MALT1: variants seen among roughly 807,000 people sequenced by gnomAD.
MALT1 encodes the protein mucosa-associated lymphoid tissue lymphoma translocation protein 1.
A neutral mutation model predicts 85.5 loss-of-function variants in MALT1; 36 were observed. The ratio of observed to expected loss-of-function variants is 0.42; its 90% CI spans 0.32 to 0.56. The LOEUF is 0.56. Ranked by LOEUF, MALT1 falls within the 20% of genes least tolerant of loss-of-function variation. The pLI, the probability that MALT1 is intolerant of heterozygous loss-of-function variation, is 0.10. For missense variants in MALT1, 716 were observed against 981.6 expected, an observed-to-expected ratio of 0.73 and a Z score of 3.62; for synonymous variants, 359 against 361.3, an observed-to-expected ratio of 0.99 and a Z score of 0.07.
rs931956386 is a variant in MALT1 at position 58,751,740 on chromosome 18, C to T, written c.*3898C>T. ...GAAATTAGGATAGTGGAGGTTTGAG[C>T]AAGTAAAGGCTCACCCAAATTCAAA... On this transcript the variant is annotated 3_prime_UTR_variant, in exon 17 of 17. Transcript: ENST00000649217. 3.3e-5 allele frequency: 5 copies of T among 152,094 alleles called. No individual in the cohort carries two copies. The highest frequency in any genetic ancestry group is 1.2e-4 in the African/African-American group (5 of 41,406). The allele number at this position is 152,094 out of a possible 1,614,324, so 9.4% of individuals were successfully genotyped here. A position where few individuals can be genotyped will look rare whatever the true frequency, so the allele number is the denominator to read the frequency against.
chr18:58,724,122 T>TC (rs1339451534), intron 10 of MALT1, among the ~76,000 whole-genome samples: 4 of 152,234 alleles, frequency 2.6e-5, no homozygotes, highest in African/African-American at 9.6e-5. Context: ...TTATTTTATT[T>TC]TAATAATTTC....
intron 1 of MALT1, among the ~76,000 whole-genome samples, chr18:58,673,178 GTCAT>G (rs10579527): frequency 0.13 from 19,271 of 152,102 alleles, 1,940 homozygotes; most frequent in African/African-American, 0.29. Flanking sequence ...TGAGAGGAAA[GTCAT>G]TCATTCAAAA....
At chr18:58,693,090 A>G (rs1443746351) in intron 2 of MALT1, among the ~76,000 whole-genome samples, 1 of 152,228 alleles carries the variant, frequency 6.6e-6, no homozygotes, top group African/African-American at 2.4e-5. Context: ...GTACTAGTGG[A>G]GAAGCTGCAG....
chr18:58,694,847 C>T (rs7244279), intron 2 of MALT1, among the ~76,000 whole-genome samples: 19,079 of 152,204 alleles, frequency 0.13, 1,891 homozygotes, highest in African/African-American at 0.28. Flanking sequence ...AGATGGCTCT[C>T]TCACAGGTGT....
intron 4 of MALT1, among the ~76,000 whole-genome samples, chr18:58,707,967 T>C (rs2054777748): frequency 6.6e-6 from 1 of 152,158 alleles, no homozygotes; most frequent in Admixed American, 6.5e-5. Flanking sequence ...CCACTTTACA[T>C]CCAGAGTCTC....
At position 58,697,558 on chromosome 18, in the gene MALT1, AT is replaced by A. The variant is rs572905374; in HGVS notation, c.498+1078del. Among the ~76,000 whole-genome samples, 927 of 152,298 alleles carry A rather than the reference AT, an allele frequency of 6.1e-3. 10 individuals are homozygous for A. Among genetic ancestry groups the A allele is most frequent in the African/African-American group, 0.021 (877 of 41,562 alleles). The stretch of plus-strand genomic sequence containing the variant: ...CTCTTGAAAGATTGCACCTAAAGGT[AT>A]TTTTTTATCATATTTTCTCAATTGC... On this transcript the variant is annotated intron_variant, in intron 3 of 16. Transcript: ENST00000649217.
intron 9 of MALT1, among the ~76,000 whole-genome samples, chr18:58,720,356 T>G (rs1294022306): frequency 6.6e-6 from 1 of 152,210 alleles, no homozygotes; most frequent in African/African-American, 2.4e-5. Flanking sequence ...TTTCTACTAC[T>G]TCTCGATCTT....
chr18:58,684,866 C>G (rs1260322290), intron 2 of MALT1, among the ~76,000 whole-genome samples: 2 of 152,160 alleles, frequency 1.3e-5, no homozygotes, highest in Non-Finnish European at 2.9e-5. Flanking sequence ...AAGATAAGCT[C>G]TGATAGAATC....
chr18:58,680,390 A>G (rs896164289), intron 1 of MALT1, among the ~76,000 whole-genome samples: 2 of 152,192 alleles, frequency 1.3e-5, no homozygotes, highest in Non-Finnish European at 2.9e-5. Flanking sequence ...TTAATGAATT[A>G]ACAGTATTTC....
rs773882255 is a variant in MALT1 at position 58,681,217 on chromosome 18, G to A, written c.257G>A (p.Gly86Glu). The A allele has an allele frequency of 6.2e-7, 1 of 1,614,058 alleles. No homozygotes were observed. The highest frequency in any genetic ancestry group is 1.3e-5 in the African/African-American group (1 of 74,938). ...QCSLKVLEPE[G>E]SPSLCLLKLM... ...TCTCTTAAGGTACTGGAGCCTGAAG[G>A]AAGCCCCAGCCTGTGTCTGCTGAAG... Residue 86 changes from glycine (G) to glutamate (E), a missense_variant, in exon 2 of 17, where the codon GGA (glycine) becomes GAA (glutamate). This residue lies in a region of MALT1 where 290 missense variants were observed against 380.5 expected (regional missense o/e 0.76). Transcript: ENST00000649217.
At chr18:58,710,991 A>C in intron 7 of MALT1, 38 bp downstream of exon 7, 1 of 1,493,514 alleles carries the variant, frequency 6.7e-7, no homozygotes, top group Non-Finnish European at 9.1e-7. Flanking sequence ...AATCTCCTGC[A>C]TGCTAGTTAC....
intron 15 of MALT1, 143 bp from the exon 16 acceptor site, chr18:58,745,523 C>T: frequency 3.2e-6 from 2 of 621,332 alleles, no homozygotes; most frequent in Non-Finnish European, 2.8e-6. Flanking sequence ...TTGTTTAGTC[C>T]TGGATAATTT....
At chr18:58,710,889 A>G in intron 6 of MALT1, 32 bp from the exon 7 acceptor site, 2 of 1,493,338 alleles carry the variant, frequency 1.3e-6, no homozygotes. Context: ...CATGAATTAC[A>G]ATATATTCAA....
At chr18:58,745,869 T>C in intron 16 of MALT1, 78 bp downstream of exon 16, 1 of 1,281,630 alleles carries the variant, frequency 7.8e-7, no homozygotes. Context: ...AGACCATAGA[T>C]ATGCTGCCTT....
intron 4 of MALT1, among the ~76,000 whole-genome samples, chr18:58,708,423 G>C (rs1471213865): frequency 3.9e-5 from 6 of 152,154 alleles, no homozygotes; most frequent in Non-Finnish European, 8.8e-5. Flanking sequence ...TCTGTCCTAG[G>C]CAAACTGAGA....
At chr18:58,724,024 G>C (rs1443029747) in intron 10 of MALT1, among the ~76,000 whole-genome samples, 1 of 152,192 alleles carries the variant, frequency 6.6e-6, no homozygotes, top group African/African-American at 2.4e-5. Flanking sequence ...AATAACATCA[G>C]ATTGCCAGGG....
In MALT1 at chr18:58,671,614, C is replaced by T. The variant is rs563529441; in HGVS notation, c.-30C>T. 6.2e-5 allele frequency: 75 copies of T among 1,206,220 alleles called. No homozygotes were observed. The highest frequency in any genetic ancestry group is 5.2e-5 in the Non-Finnish European group (50 of 970,208). 74.7% of individuals were successfully genotyped at this position (1,206,220 alleles called of 1,614,324 possible). ...GGCCCGTGACGGGGCGGGCGGGAGC[C>T]CCGGCAGTCCGGGGTCGCCGGCGAG... On this transcript the variant is annotated 5_prime_UTR_variant, in exon 1 of 17. Coordinates refer to ENST00000649217, the MANE Select transcript of MALT1 (RefSeq NM_006785.4).
chr18:58,737,306 C>A (rs183511913), intron 13 of MALT1, among the ~76,000 whole-genome samples: 1 of 151,818 alleles, frequency 6.6e-6, no homozygotes, highest in Non-Finnish European at 1.5e-5. Context: ...ATTGTCAGAC[C>A]CCCCATCTCT....
At chr18:58,721,196 G>A (rs1602320963) in intron 9 of MALT1, among the ~76,000 whole-genome samples, 2 of 152,260 alleles carry the variant, frequency 1.3e-5, no homozygotes, top group African/African-American at 4.8e-5. Flanking sequence ...CCCGACCTAA[G>A]TGGAGAAACC....
Sources: gnomAD v4.1 joint callset for allele counts (sites outside exome capture counted in the v4.1 genomes callset) on GRCh38, gnomAD v4.1.1 for gene constraint, gnomAD v4.1.1 regional missense constraint, MANE v1.5 for transcripts, NCBI Gene and HGNC (gene_info 2026-07-23, HGNC 2026-07-21) for gene names.